ANKRD26: variants seen among roughly 807,000 people sequenced by gnomAD.
ANKRD26 encodes the protein ankyrin repeat domain 26.
A neutral mutation model predicts 208.7 loss-of-function variants in ANKRD26; 141 were observed. The observed-to-expected ratio is 0.68, with a 90% CI of 0.59 to 0.78. The LOEUF (loss-of-function observed/expected upper bound fraction) is 0.78, where lower values mean the gene tolerates loss of function less well. Among genes scored for constraint, ANKRD26 ranks in the 30% least tolerant of loss-of-function variants. The probability of loss-of-function intolerance (pLI) is 0.00; values close to 1 mark genes in which losing one functional copy is unlikely to be tolerated. For synonymous variants in ANKRD26, 636 were observed against 660.4 expected, an observed-to-expected ratio of 0.96 and a Z score of 0.57; for missense variants, 1,889 against 1,938.7, an observed-to-expected ratio of 0.97 and a Z score of 0.48.
downstream of ANKRD26, among the ~76,000 whole-genome samples, chr10:27,000,154 A>G (rs988193507): frequency 4.6e-5 from 7 of 152,328 alleles, no homozygotes; most frequent in African/African-American, 1.7e-4. Flanking sequence ...TTGCTTTGTG[A>G]GACCCTGGGC....
chr10:27,096,253 G>T (rs949667852), intron 1 of ANKRD26, among the ~76,000 whole-genome samples: 1 of 151,536 alleles, frequency 6.6e-6, no homozygotes, highest in Non-Finnish European at 1.5e-5. Context: ...CTGTAAATTT[G>T]TCATAAAATG....
intron 9 of ANKRD26, among the ~76,000 whole-genome samples, chr10:27,076,660 G>T (rs2055710507): frequency 6.6e-6 from 1 of 151,982 alleles, no homozygotes; most frequent in Non-Finnish European, 1.5e-5. Flanking sequence ...AATGAATGTG[G>T]AGACAGTATA....
At chr10:26,949,750 T>A in the ANKRD26 span, among the ~76,000 whole-genome samples, 7 of 152,086 alleles carry the variant, frequency 4.6e-5, no homozygotes, top group African/African-American at 1.7e-4. Flanking sequence ...TGATCCACCC[T>A]CCTCGACCTC....
At chr10:27,040,804 C>T (rs962901931) in intron 20 of ANKRD26, among the ~76,000 whole-genome samples, 10 of 151,838 alleles carry the variant, frequency 6.6e-5, no homozygotes, top group Admixed American at 2.0e-4. Flanking sequence ...CTGAGGTGGG[C>T]GGATCACCTG....
chr10:27,039,929 ATAGT>A, intron 21 of ANKRD26, 32 bp downstream of exon 21: 1 of 1,572,748 alleles, frequency 6.4e-7, no homozygotes. Context: ...TTTAGTACAA[ATAGT>A]TAAACATTTC....
chr10:27,076,616 GAA>G (rs1008667814), intron 9 of ANKRD26, among the ~76,000 whole-genome samples: 65 of 151,996 alleles, frequency 4.3e-4, no homozygotes, highest in African/African-American at 1.3e-3. Context: ...CATTAACTAA[GAA>G]AAGAGAGAAG....
chr10:27,044,079 C>T, intron 19 of ANKRD26, 78 bp downstream of exon 19: 1 of 1,091,298 alleles, frequency 9.2e-7, no homozygotes, highest in Non-Finnish European at 1.2e-6. Flanking sequence ...CAGGTGTGAG[C>T]CACTGTGCCC....
the ANKRD26 span, among the ~76,000 whole-genome samples, chr10:26,952,416 T>A: frequency 5.8e-4 from 89 of 152,324 alleles, no homozygotes; most frequent in African/African-American, 2.0e-3. Flanking sequence ...TGCTTTATTG[T>A]TAAATATGCC....
chr10:27,076,980 C>T (rs1342334753), intron 9 of ANKRD26: 2 of 194,282 alleles, frequency 1.0e-5, no homozygotes, highest in African/African-American at 4.7e-5. Flanking sequence ...AGGGGGAAAT[C>T]CTCCCTAACT....
chr10:27,002,537 A>G (rs1360436736), downstream of ANKRD26, among the ~76,000 whole-genome samples: 1 of 152,130 alleles, frequency 6.6e-6, no homozygotes, highest in African/African-American at 2.4e-5. Context: ...CTGCAATGGG[A>G]TATGTCCTGT....
At chr10:26,980,194 T>C (rs2052286668) in intron 5 of ANKRD26, among the ~76,000 whole-genome samples, 1 of 152,230 alleles carries the variant, frequency 6.6e-6, no homozygotes, top group African/African-American at 2.4e-5. Flanking sequence ...CTGGTGGCAT[T>C]GCTGGATTTT....
the ANKRD26 span, among the ~76,000 whole-genome samples, chr10:26,953,732 C>T: frequency 1.3e-5 from 2 of 152,138 alleles, no homozygotes; most frequent in African/African-American, 2.4e-5. Flanking sequence ...GGTTAGTATG[C>T]TTTTGGAATT....
At chr10:27,092,629 A>G (rs1380882930) in intron 3 of ANKRD26, 117 bp from the exon 4 acceptor site, 8 of 814,174 alleles carry the variant, frequency 9.8e-6, no homozygotes, top group Admixed American at 4.7e-5. Context: ...CAAATAAAAA[A>G]CACTTGCTTC....
chr10:27,082,782 T>C (rs775228598), intron 6 of ANKRD26, 21 bp downstream of exon 6: 1 of 1,568,280 alleles, frequency 6.4e-7, no homozygotes, highest in South Asian at 1.2e-5. Flanking sequence ...AATATATTTT[T>C]AAAAATCTGT....
intron 19 of ANKRD26, among the ~76,000 whole-genome samples, chr10:27,043,837 G>A (rs909814800): frequency 6.6e-6 from 1 of 151,642 alleles, no homozygotes; most frequent in Admixed American, 6.6e-5. Context: ...TATCACCCAG[G>A]CTGGAGTGCA....
At chr10:26,976,143 T>A (rs1423622010) in intron 5 of ANKRD26, among the ~76,000 whole-genome samples, 1 of 152,184 alleles carries the variant, frequency 6.6e-6, no homozygotes, top group African/African-American at 2.4e-5. Flanking sequence ...AACTTATACA[T>A]CACATTCTTG....
At chr10:27,053,964 G>A (rs74786250) in intron 15 of ANKRD26, among the ~76,000 whole-genome samples, 50 of 152,012 alleles carry the variant, frequency 3.3e-4, no homozygotes, top group African/African-American at 1.1e-3. Context: ...TGTACATCAC[G>A]CTCCTTACAT....
intron 4 of ANKRD26, among the ~76,000 whole-genome samples, chr10:27,090,002 C>T (rs1396484465): frequency 1.3e-5 from 2 of 152,170 alleles, no homozygotes; most frequent in East Asian, 1.9e-4. Context: ...TTATTGTAAA[C>T]ATTTACATAC....
chr10:27,078,727 GATT>G (rs1159803799), intron 7 of ANKRD26, among the ~76,000 whole-genome samples: 2 of 151,940 alleles, frequency 1.3e-5, no homozygotes, highest in Non-Finnish European at 2.9e-5. Flanking sequence ...AATGGAAAAA[GATT>G]TTAAAATCAT....
Sources: gnomAD v4.1 joint callset for allele counts (sites outside exome capture counted in the v4.1 genomes callset) on GRCh38, gnomAD v4.1.1 for gene constraint, MANE v1.5 for transcripts, NCBI Gene and HGNC (gene_info 2026-07-23, HGNC 2026-07-21) for gene names.